The following MBP variants were observed in gnomAD, a reference collection of about 807,000 sequenced individuals.
MBP encodes the protein Golli-MBP.
A neutral mutation model predicts 35.8 loss-of-function variants in MBP; 16 were observed. The ratio of observed to expected loss-of-function variants is 0.45; its 90% CI spans 0.30 to 0.68. The LOEUF is 0.68. Ranked by LOEUF, MBP falls within the 30% of genes least tolerant of loss-of-function variation. MBP has a pLI of 0.08. For missense variants in MBP, 380 were observed against 404.7 expected, an observed-to-expected ratio of 0.94 and a Z score of 0.52; for synonymous variants, 143 against 159.6, an observed-to-expected ratio of 0.90 and a Z score of 0.78.
chr18:77,077,445 G>A (rs1174702960), intron 2 of MBP, among the ~76,000 whole-genome samples: 3 of 152,010 alleles, frequency 2.0e-5, no homozygotes, highest in Admixed American at 6.6e-5. Flanking sequence ...TCCAAGGCTG[G>A]CACCTACACT....
At chr18:77,013,221 A>G in intron 4 of MBP, 1 of 985,480 alleles carries the variant, frequency 1.0e-6, no homozygotes, top group Non-Finnish European at 1.2e-6. Flanking sequence ...CAAATCTCTT[A>G]TCCAATGGAG....
At chr18:77,073,392 C>A (rs957396084) in intron 2 of MBP, among the ~76,000 whole-genome samples, 4 of 152,150 alleles carry the variant, frequency 2.6e-5, no homozygotes, top group Non-Finnish European at 4.4e-5. Flanking sequence ...GGGTCAGAGA[C>A]AAAGGGTGGG....
At position 76,988,150 on chromosome 18, in the gene MBP, G is replaced by A. The variant is rs1969666513; in HGVS notation, c.750+345C>T. On this transcript the variant is annotated intron_variant, in intron 7 of 8. Transcript: ENST00000355994. The surrounding 1 kb of genome is among the most constrained non-coding windows in gnomAD (Gnocchi z 5.2). ...GCGGGTTCCTGGGGCTTCTCGCACT[G>A]GTTGTGTTGGAGGAAGTTAAACATT... 2.0e-6 allele frequency: 3 copies of A among 1,535,912 alleles called. No individual in the cohort carries two copies. In the East Asian group the frequency reaches 7.3e-5, roughly 38 times the overall value.
intron 1 of MBP, chr18:77,108,321 A>C (rs906543077): frequency 6.6e-5 from 10 of 152,238 alleles, no homozygotes; most frequent in Admixed American, 1.3e-4. Flanking sequence ...AAATTGAGAG[A>C]GCCAGAGAAA....
chr18:77,124,564 TG>T (rs1419898209), intron 1 of MBP, among the ~76,000 whole-genome samples: 1 of 152,098 alleles, frequency 6.6e-6, no homozygotes, highest in Non-Finnish European at 1.5e-5. Context: ...GGGGCCGCAC[TG>T]GCCTGGGTGC....
At chr18:77,112,082 A>G (rs1265508542) in intron 1 of MBP, among the ~76,000 whole-genome samples, 2 of 152,044 alleles carry the variant, frequency 1.3e-5, no homozygotes, top group Non-Finnish European at 2.9e-5. Context: ...TCTCAAACCA[A>G]AAGTATGATT....
At chr18:77,033,757 CCCAT>C (rs145059208) in intron 3 of MBP, among the ~76,000 whole-genome samples, 49,031 of 120,350 alleles carry the variant, frequency 0.41, 9,488 homozygotes, top group Non-Finnish European at 0.5. Flanking sequence ...CATCAATCCA[CCCAT>C]CCATCCATCC....
chr18:77,097,862 G>C (rs964743357), intron 2 of MBP, among the ~76,000 whole-genome samples: 1 of 152,178 alleles, frequency 6.6e-6, no homozygotes. Flanking sequence ...CAGCCTTGGC[G>C]ATACTGAGTG....
intron 4 of MBP, chr18:77,015,055 A>G (rs994638356): frequency 2.0e-6 from 2 of 982,160 alleles, no homozygotes; most frequent in Non-Finnish European, 2.4e-6. Flanking sequence ...ATTGAAGAGT[A>G]TAAGAGATTT....
At chr18:77,022,523 A>G (rs1449349285) in intron 3 of MBP, among the ~76,000 whole-genome samples, 1 of 143,804 alleles carries the variant, frequency 7.0e-6, no homozygotes, top group Non-Finnish European at 1.5e-5. Context: ...TACTGTGGTC[A>G]GTACAAAGCT....
At chr18:77,014,700 A>G (rs1454833093) in intron 4 of MBP, 1 of 985,292 alleles carries the variant, frequency 1.0e-6, no homozygotes, top group African/African-American at 1.7e-5. Flanking sequence ...CATGTTTACA[A>G]CACTTTGTGA....
intron 1 of MBP, chr18:77,114,111 G>C (rs1421479379): frequency 6.6e-6 from 1 of 152,228 alleles, no homozygotes; most frequent in Non-Finnish European, 1.5e-5. Flanking sequence ...TTTTTGCTCT[G>C]GGGTATCAGA....
chr18:77,130,325 C>G (rs139385648), intron 1 of MBP, among the ~76,000 whole-genome samples: 1 of 151,976 alleles, frequency 6.6e-6, no homozygotes, highest in South Asian at 2.1e-4. Flanking sequence ...GCAGACTCCC[C>G]GGATGGAATC....
intron 4 of MBP, among the ~76,000 whole-genome samples, chr18:76,998,723 T>G (rs1375426488): frequency 6.6e-6 from 1 of 152,184 alleles, no homozygotes; most frequent in East Asian, 1.9e-4. Flanking sequence ...TAGGGTGGCT[T>G]GGCTGAGAAG....
chr18:77,091,608 C>A (rs1239820859), intron 2 of MBP, among the ~76,000 whole-genome samples: 2 of 151,150 alleles, frequency 1.3e-5, no homozygotes, highest in African/African-American at 4.9e-5. Flanking sequence ...CACACACACA[C>A]ACCCACCCAC....
At position 77,101,746 on chromosome 18, in the gene MBP, A is replaced by G. The variant is rs1362901276; in HGVS notation, c.51+3465T>C. Among the ~76,000 whole-genome samples, 1 of 152,088 alleles carries G rather than the reference A, an allele frequency of 6.6e-6. No homozygotes were observed. Among genetic ancestry groups the G allele is most frequent in the Non-Finnish European group, 1.5e-5 (1 of 68,008 alleles). ...ATCCTGCCGTGGCTTATTCGGGATG[A>G]GAGAGAAGCAAATTTCAAAGCCCTG... On this transcript the variant is annotated intron_variant, in intron 2 of 8. Coordinates refer to ENST00000355994, the MANE Select transcript of MBP (RefSeq NM_001025101.2). The surrounding 1 kb of genome is among the most constrained non-coding windows in gnomAD (Gnocchi z 4.3).
chr18:76,996,329 T>TCCAAAAGC (rs1970269072), intron 4 of MBP, among the ~76,000 whole-genome samples: 1 of 152,228 alleles, frequency 6.6e-6, no homozygotes. Context: ...GGAAATGGCT[T>TCCAAAAGC]CTATAATGAA....
chr18:77,073,783 ACCTGC>A (rs1409947493), intron 2 of MBP, among the ~76,000 whole-genome samples: 1 of 152,214 alleles, frequency 6.6e-6, no homozygotes, highest in Non-Finnish European at 1.5e-5. Context: ...GTAAGAGGTG[ACCTGC>A]TGAAAACTAA....
Position 77,066,338 on chromosome 18 carries a change from A to G in MBP, c.99T>C (p.Gly33=), listed in dbSNP as rs1300521342. 1 of 1,613,992 alleles carries G rather than the reference A, an allele frequency of 6.2e-7. No homozygotes were observed. The highest frequency in any genetic ancestry group is 1.3e-5 in the African/African-American group (1 of 74,900). Residue 33 remains glycine, a synonymous_variant, in exon 3 of 9, where the codon GGT becomes GGC. Transcript: ENST00000355994. ...CCTCTGAGGTTGTCCGTGAAAGTTC[A>G]CCCAGGTTTCTCTTTTTTTCAGATT... ...RGESEKKRNL[G]ELSRTTSEDN...
Sources: gnomAD v4.1 joint callset for allele counts (sites outside exome capture counted in the v4.1 genomes callset) on GRCh38, gnomAD v4.1.1 for gene constraint, Gnocchi (gnomAD v3.1) non-coding constraint, MANE v1.5 for transcripts, NCBI Gene and HGNC (gene_info 2026-07-23, HGNC 2026-07-21) for gene names.